The following ASXL2 variants were observed in gnomAD, a reference collection of about 807,000 sequenced individuals.
ASXL2 encodes ASXL transcriptional regulator 2.
Under a neutral mutation model 122.0 loss-of-function variants are expected in ASXL2, and 23 were observed. That is an observed-to-expected ratio of 0.19 (90% CI 0.14 to 0.27). The LOEUF (loss-of-function observed/expected upper bound fraction) is 0.27, where lower values mean the gene tolerates loss of function less well. Ranked by LOEUF, ASXL2 falls within the 10% of genes least tolerant of loss-of-function variation. ASXL2 has a pLI of 1.00. For missense variants in ASXL2, 1,518 were observed against 1,713.8 expected (o/e 0.89, Z 2.02); for synonymous variants, 650 against 637.0 (o/e 1.02, Z -0.31).
intron 3 of ASXL2, among the ~76,000 whole-genome samples, chr2:25,834,853 T>A (rs2089490079): frequency 6.6e-6 from 1 of 152,020 alleles, no homozygotes. Context: ...GACGGAGTCT[T>A]GCTGTGTTGC....
rs142989494 is a variant in ASXL2 at position 25,807,033 on chromosome 2, T to A, written c.144-696A>T. Reference sequence around the variant, plus strand: ...ACAATGTTTCTACATCTAAGGAAAATAACAAAATCATTAGATAAAATATCA... The same window carrying A: ...ACAATGTTTCTACATCTAAGGAAAAAAACAAAATCATTAGATAAAATATCA... On this transcript the variant is annotated intron_variant, in intron 3 of 12. Transcript: ENST00000435504. 6.7e-3 allele frequency among the ~76,000 whole-genome samples: 1,021 copies of A among 151,994 alleles called. 28 individuals carry two copies. In the East Asian group the frequency reaches 0.082, roughly 12 times the overall value.
At position 25,759,608 on chromosome 2, in the gene ASXL2, A is replaced by T. The variant is rs745422541; in HGVS notation, c.813T>A (p.Val271=). ...TAACCAGAATGGAGTCCGGTGTCTC[A>T]ACGTCAATGTCAGCACATTTAGTTC... ...MKRTKCADID[V]ETPDSILVNT... The change falls in exon 9 of 13, where the codon GTT becomes GTA. Residue 271 remains valine, a synonymous_variant. Transcript: ENST00000435504. 1 of 1,613,082 alleles carries T rather than the reference A, an allele frequency of 6.2e-7. No homozygotes were observed. The highest frequency in any genetic ancestry group is 1.3e-5 in the African/African-American group (1 of 74,884).
intron 3 of ASXL2, among the ~76,000 whole-genome samples, chr2:25,807,325 T>A (rs1015146043): frequency 6.6e-6 from 1 of 152,180 alleles, no homozygotes; most frequent in Non-Finnish European, 1.5e-5. Context: ...TAAGGAGTTA[T>A]CTGCTGGGAA....
intron 1 of ASXL2, among the ~76,000 whole-genome samples, chr2:25,874,602 G>A (rs184347203): frequency 1.6e-4 from 25 of 152,004 alleles, no homozygotes; most frequent in African/African-American, 4.8e-4. Context: ...AGTGAGCCAC[G>A]ATCACAAGAC....
intron 11 of ASXL2, among the ~76,000 whole-genome samples, chr2:25,751,636 A>G (rs72799645): frequency 0.044 from 6,413 of 145,166 alleles, 205 homozygotes; most frequent in African/African-American, 0.086. Flanking sequence ...CCTGTCTTTG[A>G]AAAAAAAAAA....
chr2:25,801,184 C>T (rs2088992265), intron 4 of ASXL2, among the ~76,000 whole-genome samples: 1 of 152,204 alleles, frequency 6.6e-6, no homozygotes, highest in Non-Finnish European at 1.5e-5. Context: ...ATCCTCTTGC[C>T]TTAGCCTCCC....
At chr2:25,789,622 T>C (rs2088800623) in intron 5 of ASXL2, among the ~76,000 whole-genome samples, 1 of 152,088 alleles carries the variant, frequency 6.6e-6, no homozygotes, top group Admixed American at 6.5e-5. Flanking sequence ...TCAGAAAACA[T>C]GAAATGCCCA....
At chr2:25,812,987 T>C (rs1391354672) in intron 3 of ASXL2, among the ~76,000 whole-genome samples, 1 of 152,078 alleles carries the variant, frequency 6.6e-6, no homozygotes, top group Non-Finnish European at 1.5e-5. Context: ...CAATAAATGG[T>C]GAAGTCAAGA....
At chr2:25,763,176 C>T (rs192164118) in intron 8 of ASXL2, among the ~76,000 whole-genome samples, 3 of 152,232 alleles carry the variant, frequency 2.0e-5, no homozygotes, top group Admixed American at 6.5e-5. Context: ...CCAGAAGGAG[C>T]TATCACTCAC....
At chr2:25,875,536 T>C (rs1329808150) in intron 1 of ASXL2, among the ~76,000 whole-genome samples, 22 of 152,024 alleles carry the variant, frequency 1.4e-4, no homozygotes, top group Admixed American at 1.3e-3. Context: ...ATTTTGCTTA[T>C]AATAACCTTA....
In ASXL2 at chr2:25,750,331, G is replaced by A; in HGVS notation, c.1225C>T (p.Pro409Ser). ...GCCTCTGACACAGGCATGGATTTTG[G>A]TTGTTCAGCTGGGGTTTTCTTTACT... Reference protein sequence around the residue: ...PKVKKTPAEQPKSMPVSEASL... With the variant: ...PKVKKTPAEQSKSMPVSEASL... The change falls in exon 12 of 13, where the codon CCA becomes TCA. Residue 409 changes from proline to serine, a missense_variant. Transcript: ENST00000435504. 1.9e-6 allele frequency: 3 copies of A among 1,613,960 alleles called. No homozygotes were observed. The highest frequency in any genetic ancestry group is 2.5e-6 in the Non-Finnish European group (3 of 1,179,890).
chr2:25,870,937 T>C (rs1378767964), intron 1 of ASXL2, among the ~76,000 whole-genome samples: 5 of 152,184 alleles, frequency 3.3e-5, no homozygotes, highest in Non-Finnish European at 7.3e-5. Flanking sequence ...TACTGACTCA[T>C]CTAGGATTAA....
At chr2:25,756,465 G>GAAAAAAAAAAGAAAAAAAAAAAAAAAAA (rs2088137252) in intron 9 of ASXL2, among the ~76,000 whole-genome samples, 2 of 91,410 alleles carry the variant, frequency 2.2e-5, no homozygotes, top group African/African-American at 3.8e-5. Flanking sequence ...AAAAAAAAAA[G>GAAAAAAAAAAGAAAAAAAAAAAAAAAAA]AAAAAAAAAA....
intron 5 of ASXL2, among the ~76,000 whole-genome samples, chr2:25,777,627 G>T (rs944198152): frequency 2.6e-5 from 4 of 151,658 alleles, no homozygotes; most frequent in African/African-American, 4.8e-5. Flanking sequence ...ACTTATCTCT[G>T]TTGAGAAACT....
rs141506369 is a variant in ASXL2 at position 25,776,025 on chromosome 2, C to G, written c.404-4485G>C. Among the ~76,000 whole-genome samples, 29 of 152,194 alleles carry G rather than the reference C, an allele frequency of 1.9e-4. No individual in the cohort carries two copies. The East Asian group carries it at 5.6e-3, about 29-fold the overall frequency. On this transcript the variant is annotated intron_variant, in intron 5 of 12. Coordinates refer to ENST00000435504, the MANE Select transcript of ASXL2 (RefSeq NM_018263.6). ...TGTGTGACTAGTGATTTAATTTTCC[C>G]TAGTAAGCTAACAAAATTAAATTTA...
At chr2:25,872,914 G>A (rs1360546620) in intron 1 of ASXL2, among the ~76,000 whole-genome samples, 1 of 152,046 alleles carries the variant, frequency 6.6e-6, no homozygotes, top group East Asian at 1.9e-4. Flanking sequence ...CTATTTATTG[G>A]CTCTTGGGAG....
At chr2:25,849,452 CAAAAAA>C (rs34833277) in intron 1 of ASXL2, among the ~76,000 whole-genome samples, 1 of 70,652 alleles carries the variant, frequency 1.4e-5, no homozygotes, top group East Asian at 3.9e-4. Context: ...GACTCTGACT[CAAAAAA>C]AAAAAAAAAA....
At chr2:25,814,580 G>C (rs2089211478) in intron 3 of ASXL2, among the ~76,000 whole-genome samples, 2 of 152,158 alleles carry the variant, frequency 1.3e-5, no homozygotes, top group South Asian at 2.1e-4. Context: ...AAGAGGTAGG[G>C]GTTCTGTCAA....
At chr2:25,853,175 T>C (rs1369689424) in intron 1 of ASXL2, among the ~76,000 whole-genome samples, 1 of 152,176 alleles carries the variant, frequency 6.6e-6, no homozygotes, top group Non-Finnish European at 1.5e-5. Flanking sequence ...TAGTTCCGAT[T>C]TGATACTCAA....
Sources: gnomAD v4.1 joint callset for allele counts (sites outside exome capture counted in the v4.1 genomes callset) on GRCh38, gnomAD v4.1.1 for gene constraint, MANE v1.5 for transcripts, NCBI Gene and HGNC (gene_info 2026-07-23, HGNC 2026-07-21) for gene names.